CNTNAP5: variants seen among roughly 807,000 people sequenced by gnomAD.
CNTNAP5 encodes contactin-associated protein-like 5.
In CNTNAP5, 72 loss-of-function variants were observed where a neutral mutation model predicts 150.2. That is an observed-to-expected ratio of 0.48 (90% confidence interval 0.40 to 0.58). CNTNAP5 has a LOEUF of 0.58. CNTNAP5 is among the 20% of genes least tolerant of loss of function. The pLI is 0.00. For missense variants in CNTNAP5, 1,636 were observed against 1,626.2 expected, an observed-to-expected ratio of 1.01 and a Z score of -0.10; for synonymous variants, 672 against 619.8, an observed-to-expected ratio of 1.08 and a Z score of -1.25.
intron 1 of CNTNAP5, among the ~76,000 whole-genome samples, chr2:124,034,817 G>C (rs1264813636): frequency 1.3e-5 from 2 of 152,158 alleles, no homozygotes; most frequent in African/African-American, 4.8e-5. Flanking sequence ...GGAGATTCAG[G>C]CAGATGGACC....
intron 3 of CNTNAP5, among the ~76,000 whole-genome samples, chr2:124,354,766 G>C (rs943618282): frequency 3.3e-5 from 5 of 152,100 alleles, no homozygotes; most frequent in Non-Finnish European, 7.4e-5. Context: ...CTTAGTTTCA[G>C]CTCTCAATAG....
chr2:124,820,510 T>G (rs1279223152), intron 19 of CNTNAP5, among the ~76,000 whole-genome samples: 1 of 143,012 alleles, frequency 7.0e-6, no homozygotes, highest in Admixed American at 6.9e-5. Context: ...TTAGGAGAAA[T>G]AGAAGAAGGA....
intron 11 of CNTNAP5, among the ~76,000 whole-genome samples, chr2:124,580,128 C>G (rs1303970401): frequency 1.3e-5 from 2 of 152,188 alleles, no homozygotes; most frequent in Non-Finnish European, 2.9e-5. Context: ...TCTGCTATTT[C>G]CCAGTGGGTT....
intron 12 of CNTNAP5, among the ~76,000 whole-genome samples, chr2:124,638,939 A>T (rs1048019084): frequency 1.3e-5 from 2 of 152,046 alleles, no homozygotes; most frequent in African/African-American, 2.4e-5. Context: ...TGTGTATTTA[A>T]TTTTTTTCCA....
intron 3 of CNTNAP5, among the ~76,000 whole-genome samples, chr2:124,307,655 A>C (rs1863354): frequency 0.31 from 47,644 of 152,102 alleles, 7,780 homozygotes; most frequent in Non-Finnish European, 0.36. Flanking sequence ...TAGGAAGACA[A>C]GTTCTTGCTT....
At chr2:124,816,341 G>A (rs909286283) in intron 19 of CNTNAP5, among the ~76,000 whole-genome samples, 5 of 152,088 alleles carry the variant, frequency 3.3e-5, no homozygotes, top group African/African-American at 7.2e-5. Flanking sequence ...AGCTCCATTA[G>A]GTTGTTGGAA....
chr2:124,768,321 TTATGTA>T (rs1681113220), intron 16 of CNTNAP5, among the ~76,000 whole-genome samples: 1 of 116,010 alleles, frequency 8.6e-6, no homozygotes, highest in East Asian at 2.0e-4. Flanking sequence ...ATATGTATGT[TTATGTA>T]TATATTTACT....
In CNTNAP5 at chr2:124,914,261, C is replaced by A. The variant is rs201132721; in HGVS notation, c.3897C>A (p.Ser1299Arg). ...RNEIDLQNTV[S>R]ECKREYFI ...AAATTGACTTGCAAAACACAGTGAG[C>A]GAGTGTAAACGGGAATATTTCATCT... is the stretch of plus-strand genomic sequence containing the variant. Residue 1299 changes from serine (S) to arginine (R), a missense_variant, in exon 24 of 24, where the codon AGC (serine) becomes AGA (arginine). Coordinates refer to ENST00000682447, the MANE Select transcript of CNTNAP5 (RefSeq NM_001367498.1). The A allele has an allele frequency of 4.3e-6, 7 of 1,611,630 alleles. No homozygotes were observed. The Admixed American group carries it at 6.7e-5, about 15-fold the overall frequency.
chr2:124,737,701 G>A (rs1014264637), intron 13 of CNTNAP5, among the ~76,000 whole-genome samples: 4 of 152,224 alleles, frequency 2.6e-5, no homozygotes, highest in African/African-American at 9.6e-5. Context: ...AACTTTTGGA[G>A]GATGGAACAA....
chr2:124,726,396 TC>T lies in CNTNAP5; in HGVS notation c.2078-20827del, dbSNP rs567715751. Reference sequence around the variant, plus strand: ...TAATGGTTTAAAAGTGTTTGGCAGTTCCCCCCTTTTGTTTTCTCTCCCCTGT... The same window carrying T: ...TAATGGTTTAAAAGTGTTTGGCAGTTCCCCCTTTTGTTTTCTCTCCCCTGT... On this transcript the variant is annotated intron_variant, in intron 13 of 23. Coordinates refer to ENST00000682447, the MANE Select transcript of CNTNAP5 (RefSeq NM_001367498.1). Among the ~76,000 whole-genome samples, 179 of 152,066 alleles carry T rather than the reference TC, an allele frequency of 1.2e-3. 2 individuals are homozygous for T. The highest frequency in any genetic ancestry group is 4.1e-3 in the African/African-American group (172 of 41,518).
At chr2:124,166,445 T>TA (rs1350761445) in intron 1 of CNTNAP5, among the ~76,000 whole-genome samples, 1 of 152,136 alleles carries the variant, frequency 6.6e-6, no homozygotes, top group East Asian at 1.9e-4. Flanking sequence ...AGGAAGTGGG[T>TA]ATTGCTGCTC....
At chr2:124,906,486 T>A (rs1354848656) in intron 22 of CNTNAP5, among the ~76,000 whole-genome samples, 1 of 152,118 alleles carries the variant, frequency 6.6e-6, no homozygotes, top group Non-Finnish European at 1.5e-5. Flanking sequence ...AATTTTCTAT[T>A]ACAGGCACAA....
In CNTNAP5 at chr2:124,629,142, A is replaced by T. The variant is rs969819174; in HGVS notation, c.1877-18616A>T. The stretch of plus-strand genomic sequence containing the variant: ...TTTAAAACCCTACTGTCAGTATTAG[A>T]TAGATCACGGAGACAGAAAATTAAC... On this transcript the variant is annotated intron_variant, in intron 12 of 23. Coordinates refer to ENST00000682447, the MANE Select transcript of CNTNAP5 (RefSeq NM_001367498.1). 3.3e-5 allele frequency among the ~76,000 whole-genome samples: 5 copies of T among 152,312 alleles called. No homozygotes were observed. The East Asian group carries it at 5.8e-4, about 18-fold the overall frequency.
chr2:124,399,232 G>C (rs1691342289), intron 3 of CNTNAP5, among the ~76,000 whole-genome samples: 1 of 152,148 alleles, frequency 6.6e-6, no homozygotes, highest in Non-Finnish European at 1.5e-5. Flanking sequence ...AGGAACAGAG[G>C]AGTGAAGAAG....
chr2:124,885,654 A>C lies in CNTNAP5; in HGVS notation c.3436+15892A>C, dbSNP rs576761782. Among the ~76,000 whole-genome samples, 35 of 151,514 alleles carry C rather than the reference A, an allele frequency of 2.3e-4. 1 individual carries two copies. The highest frequency in any genetic ancestry group is 3.4e-3 in the Middle Eastern group (1 of 294). The stretch of plus-strand genomic sequence containing the variant: ...CTCCTCTTAGCTCCTGGAAACCACT[A>C]AGCTGCTTTCTGTCTGTATTGATTT... On this transcript the variant is annotated intron_variant, in intron 21 of 23. Transcript: ENST00000682447.
intron 1 of CNTNAP5, among the ~76,000 whole-genome samples, chr2:124,122,501 A>T (rs1683586801): frequency 6.6e-6 from 1 of 152,164 alleles, no homozygotes; most frequent in Admixed American, 6.5e-5. Context: ...CCTTTATCTC[A>T]CATTCTCTCC....
At chr2:124,400,931 G>T (rs1271532532) in intron 3 of CNTNAP5, among the ~76,000 whole-genome samples, 3 of 151,928 alleles carry the variant, frequency 2.0e-5, no homozygotes. Flanking sequence ...GAGCGCAGTT[G>T]CATGATCTTG....
chr2:124,796,186 G>T (rs1215110012), intron 18 of CNTNAP5, among the ~76,000 whole-genome samples: 1 of 151,808 alleles, frequency 6.6e-6, no homozygotes, highest in Non-Finnish European at 1.5e-5. Flanking sequence ...ACAGAAATTT[G>T]GTTTGACATT....
chr2:124,078,229 G>C (rs533625780), intron 1 of CNTNAP5, among the ~76,000 whole-genome samples: 2 of 152,210 alleles, frequency 1.3e-5, no homozygotes, highest in East Asian at 3.9e-4. Context: ...TAGAATTGTG[G>C]TCTACATATT....
Sources: gnomAD v4.1 joint callset for allele counts (sites outside exome capture counted in the v4.1 genomes callset) on GRCh38, gnomAD v4.1.1 for gene constraint, MANE v1.5 for transcripts, NCBI Gene and HGNC (gene_info 2026-07-23, HGNC 2026-07-21) for gene names.